The following KLHL41 variants were observed in gnomAD, a reference collection of about 807,000 sequenced individuals.
KLHL41 encodes kelch-like protein 41.
In KLHL41, 31 loss-of-function variants were observed where a neutral mutation model predicts 49.2. The ratio of observed to expected loss-of-function variants is 0.63; its 90% CI spans 0.47 to 0.85. The LOEUF (loss-of-function observed/expected upper bound fraction) is 0.85. Ranked by LOEUF, KLHL41 falls within the 40% of genes least tolerant of loss-of-function variation. The pLI, the probability that KLHL41 is intolerant of heterozygous loss-of-function variation, is 0.00. For synonymous variants in KLHL41, 218 were observed against 258.5 expected, an observed-to-expected ratio of 0.84 and a Z score of 1.50; for missense variants, 663 against 726.7, an observed-to-expected ratio of 0.91 and a Z score of 1.01.
chr2:169,521,827 T>C (rs1684208085), intron 5 of KLHL41, among the ~76,000 whole-genome samples: 1 of 152,096 alleles, frequency 6.6e-6, no homozygotes, highest in South Asian at 2.1e-4. Context: ...AAAATAGCAA[T>C]CCATTTTACC....
In KLHL41 at chr2:169,525,753, AATTT is replaced by A. The variant is rs1284604200; in HGVS notation, c.*61_*64del. On this transcript the variant is annotated 3_prime_UTR_variant, in exon 6 of 6. Coordinates refer to ENST00000284669, the MANE Select transcript of KLHL41 (RefSeq NM_006063.3). Reference sequence around the variant, plus strand: ...TGGTTTGTTTGGTGAATGGGGCTTTAATTTATTCTGTTTTTTAAAAGCTTGTACA... The same window carrying A: ...TGGTTTGTTTGGTGAATGGGGCTTTAATTCTGTTTTTTAAAAGCTTGTACA... The A allele has an allele frequency of 4.2e-6, 4 of 944,052 alleles. No homozygotes were observed. The Admixed American group carries it at 7.8e-5, about 19-fold the overall frequency. The allele number at this position is 944,052 out of a possible 1,614,324, so 58.5% of individuals were successfully genotyped here.
chr2:169,518,987 A>G (rs1351487542), intron 4 of KLHL41, among the ~76,000 whole-genome samples: 1 of 87,264 alleles, frequency 1.1e-5, no homozygotes, highest in Non-Finnish European at 2.3e-5. Flanking sequence ...GCCCTGAATA[A>G]TTGTCTGTGT....
At position 169,525,688 on chromosome 2, in the gene KLHL41, A is replaced by AAAC. The variant is rs773713203; in HGVS notation, c.1814_1816dup (p.Lys605_Leu606insGln). On this transcript the variant is annotated inframe_insertion, in exon 6 of 6. Transcript: ENST00000284669. ...ACGTTTAAATCTCTTCAAACTGTCTAAACTGTGAACAAGGTGACAAAACAT... is the reference window on the plus strand; with the variant it reads ...ACGTTTAAATCTCTTCAAACTGTCTAAACAACTGTGAACAAGGTGACAAAACAT... The AAAC allele has an allele frequency of 6.3e-7, 1 of 1,592,534 alleles. No homozygotes were observed. Among genetic ancestry groups the AAAC allele is most frequent in the Admixed American group, 1.7e-5 (1 of 59,944 alleles).
intron 1 of KLHL41, among the ~76,000 whole-genome samples, chr2:169,512,280 A>G (rs1253466762): frequency 2.0e-5 from 3 of 152,214 alleles, no homozygotes; most frequent in Non-Finnish European, 4.4e-5. Context: ...TTTTAAAGTC[A>G]AATAAACGTC....
chr2:169,524,274 C>A (rs1684263324), intron 5 of KLHL41, among the ~76,000 whole-genome samples: 1 of 152,076 alleles, frequency 6.6e-6, no homozygotes, highest in Admixed American at 6.5e-5. Context: ...CTTTCCTCTA[C>A]ATAAAAATCA....
In KLHL41 at chr2:169,518,202, C is replaced by A; in HGVS notation, c.1389C>A (p.Asn463Lys). ...TTTCTGTTTACAGAAAATGTACAAACAGGGTGTTTATCTTCAACCCCAAAA... is the reference window on the plus strand; with the variant it reads ...TTTCTGTTTACAGAAAATGTACAAAAAGGGTGTTTATCTTCAACCCCAAAA... ...GGKTDDKKCT[N>K]RVFIFNPKKG... The change falls in exon 4 of 6, where the codon AAC (asparagine) becomes AAA (lysine). Residue 463 changes from asparagine (N) to lysine (K), a missense_variant. Physicochemically the swap from Asn to Lys is moderately conservative, Grantham distance 94 (BLOSUM62 0). This residue lies in a region of KLHL41 where 528 missense variants were observed against 581.0 expected (regional missense o/e 0.91). Transcript: ENST00000284669. 2 of 1,609,916 alleles carry A rather than the reference C, an allele frequency of 1.2e-6. No individual in the cohort carries two copies. Among genetic ancestry groups the A allele is most frequent in the Non-Finnish European group, 1.7e-6 (2 of 1,177,636 alleles).
chr2:169,510,603 T>A lies in KLHL41; in HGVS notation c.825T>A (p.Ala275=), dbSNP rs1274783366. The change falls in exon 1 of 6, where the codon GCT becomes GCA. Residue 275 remains alanine (A), a synonymous_variant. Transcript: ENST00000284669. The surrounding 1 kb of genome is among the most constrained non-coding windows in gnomAD (Gnocchi z 4.2). The stretch of plus-strand genomic sequence containing the variant: ...GCAAAAATGCCGCGAAGACTGGGGC[T>A]GGTGAGGTGAATGGTGATGTTGGTG... ...EPSKNAAKTG[A]GEVNGDVGDE... 1 of 1,614,192 alleles carries A rather than the reference T, an allele frequency of 6.2e-7. No individual in the cohort carries two copies. Among genetic ancestry groups the A allele is most frequent in the East Asian group, 2.2e-5 (1 of 44,892 alleles).
chr2:169,526,040 C>T lies in KLHL41; in HGVS notation c.*344C>T, dbSNP rs950190494. The T allele has an allele frequency of 4.7e-4, 77 of 163,232 alleles. No individual in the cohort carries two copies. The highest frequency in any genetic ancestry group is 1.6e-3 in the African/African-American group (69 of 41,890). The allele number at this position is 163,232 out of a possible 1,614,324, so 10.1% of individuals were successfully genotyped here. A position where few individuals can be genotyped will look rare whatever the true frequency, so the allele number is the denominator to read the frequency against. On this transcript the variant is annotated 3_prime_UTR_variant, in exon 6 of 6. Coordinates refer to ENST00000284669, the MANE Select transcript of KLHL41 (RefSeq NM_006063.3). Reference sequence around the variant, plus strand: ...GTATCCTTAAACTGATTTTCTATTACAATTGGAAGTGGAGAATATGTGCAT... The same window carrying T: ...GTATCCTTAAACTGATTTTCTATTATAATTGGAAGTGGAGAATATGTGCAT...
At chr2:169,520,426 T>C (rs1177057092) in intron 4 of KLHL41, among the ~76,000 whole-genome samples, 2 of 151,622 alleles carry the variant, frequency 1.3e-5, no homozygotes, top group African/African-American at 4.9e-5. Flanking sequence ...ATTACGGGCA[T>C]GAGCCACCGA....
chr2:169,511,888 T>C (rs991886748), intron 1 of KLHL41, among the ~76,000 whole-genome samples: 34 of 152,228 alleles, frequency 2.2e-4, no homozygotes, highest in African/African-American at 7.0e-4. Flanking sequence ...ATATTATCAA[T>C]GTGTTATACT....
rs748583870 is a variant in KLHL41, at chr2:169,510,532, A to T, written c.754A>T (p.Ile252Phe). The change falls in exon 1 of 6, where the codon ATC becomes TTC. Residue 252 changes from isoleucine to phenylalanine, a missense_variant. Transcript: ENST00000284669. This position sits in a 1 kb window ranked among gnomAD's most constrained non-coding sequence, Gnocchi z 4.2. The stretch of plus-strand genomic sequence containing the variant: ...AAGCAACCCAGACCTCCAGAAAAAA[A>T]TCAAAGTTCTAAAAGATGCTTTCGC... ...IKSNPDLQKK[I>F]KVLKDAFAGK... 4.1e-5 allele frequency: 66 copies of T among 1,613,634 alleles called. No homozygotes were observed. In the East Asian group the frequency reaches 1.5e-3, roughly 36 times the overall value.
chr2:169,516,899 T>C (rs1013045678), intron 3 of KLHL41, among the ~76,000 whole-genome samples: 8 of 152,152 alleles, frequency 5.3e-5, no homozygotes, highest in Admixed American at 1.3e-4. Context: ...CGTTTGCCTG[T>C]AATCCCAGCT....
At chr2:169,516,009 G>A (rs1186143834) in intron 3 of KLHL41, among the ~76,000 whole-genome samples, 1 of 152,142 alleles carries the variant, frequency 6.6e-6, no homozygotes, top group East Asian at 1.9e-4. Context: ...AGAGAGAGGA[G>A]AAGTGAGCTC....
At chr2:169,523,432 C>T (rs184582657) in intron 5 of KLHL41, among the ~76,000 whole-genome samples, 7 of 152,216 alleles carry the variant, frequency 4.6e-5, no homozygotes, top group African/African-American at 1.7e-4. Context: ...TATGTGTAGA[C>T]AAGTTTGGGA....
chr2:169,518,234 A>G lies in KLHL41; in HGVS notation c.1421A>G (p.Asp474Gly), dbSNP rs145810515. Reference protein sequence around the residue: ...RVFIFNPKKGDWKDLAPMKIP... With the variant: ...RVFIFNPKKGGWKDLAPMKIP... ...TTTATCTTCAACCCCAAAAAAGGAG[A>G]TTGGAAAGATCTGGCTCCAATGAAA... is the stretch of plus-strand genomic sequence containing the variant. Residue 474 changes from aspartate (D) to glycine (G), a missense_variant, in exon 4 of 6, where the codon GAT becomes GGT. Asp to Gly is a moderately conservative substitution (Grantham distance 94, BLOSUM62 -1). Coordinates refer to ENST00000284669, the MANE Select transcript of KLHL41 (RefSeq NM_006063.3). The G allele has an allele frequency of 1.3e-4, 212 of 1,613,804 alleles. No individual in the cohort carries two copies. Among genetic ancestry groups the G allele is most frequent in the Non-Finnish European group, 1.7e-4 (206 of 1,179,858 alleles).
intron 3 of KLHL41, among the ~76,000 whole-genome samples, chr2:169,516,264 A>G (rs1684113284): frequency 6.6e-6 from 1 of 152,230 alleles, no homozygotes; most frequent in Non-Finnish European, 1.5e-5. Context: ...CAAGAACTCT[A>G]TTCTGGAGTT....
intron 3 of KLHL41, among the ~76,000 whole-genome samples, chr2:169,516,882 G>A (rs546054593): frequency 2.6e-5 from 4 of 152,230 alleles, no homozygotes; most frequent in South Asian, 2.1e-4. Flanking sequence ...TTAACCGGGC[G>A]TGGTGCCGTT....
At position 169,520,973 on chromosome 2, in the gene KLHL41, G is replaced by C. The variant is rs951864108; in HGVS notation, c.1675G>C (p.Glu559Gln). The C allele has an allele frequency of 6.2e-7, 1 of 1,614,010 alleles. No homozygotes were observed. The highest frequency in any genetic ancestry group is 8.5e-7 in the Non-Finnish European group (1 of 1,179,942). Residue 559 changes from glutamate (E) to glutamine (Q), a missense_variant, in exon 5 of 6, where the codon GAA becomes CAA. Coordinates refer to ENST00000284669, the MANE Select transcript of KLHL41 (RefSeq NM_006063.3). The stretch of plus-strand genomic sequence containing the variant: ...TGCTATGATTCAACTGGAGTCTAAA[G>C]AATTTGCACCCACTGAAGTCAATGA... ...GFAMIQLESK[E>Q]FAPTEVNDIW...
At chr2:169,522,280 G>A in intron 5 of KLHL41, among the ~76,000 whole-genome samples, 1 of 152,150 alleles carries the variant, frequency 6.6e-6, no homozygotes, top group Non-Finnish European at 1.5e-5. Context: ...AATGATTTGT[G>A]CATTAGACAT....
Sources: gnomAD v4.1 joint callset for allele counts (sites outside exome capture counted in the v4.1 genomes callset) on GRCh38, gnomAD v4.1.1 for gene constraint, gnomAD v4.1.1 regional missense constraint, Gnocchi (gnomAD v3.1) non-coding constraint, MANE v1.5 for transcripts, NCBI Gene and HGNC (gene_info 2026-07-23, HGNC 2026-07-21) for gene names.